IQGAP2: variants seen among roughly 807,000 people sequenced by gnomAD.
The protein encoded by IQGAP2 is IQ motif containing GTPase activating protein 2.
Under a neutral mutation model 201.3 loss-of-function variants are expected in IQGAP2, and 173 were observed. The ratio of observed to expected loss-of-function variants is 0.86; its 90% confidence interval spans 0.76 to 0.98. IQGAP2 has a LOEUF of 0.98. Among genes scored for constraint, IQGAP2 ranks in the 50% least tolerant of loss-of-function variants. IQGAP2 has a pLI of 0.00. For missense variants in IQGAP2, 1,687 were observed against 1,864.8 expected (o/e 0.90, Z 1.76); for synonymous variants, 675 against 673.9 (o/e 1.00, Z -0.03).
At chr5:76,452,238 T>C (rs1275160108) in intron 1 of IQGAP2, among the ~76,000 whole-genome samples, 1 of 151,036 alleles carries the variant, frequency 6.6e-6, no homozygotes, top group African/African-American at 2.4e-5. Context: ...TTTCTTTTTT[T>C]TTTTTTGTTT....
intron 2 of IQGAP2, among the ~76,000 whole-genome samples, chr5:76,507,461 T>C (rs367745095): frequency 2.0e-5 from 3 of 152,160 alleles, no homozygotes; most frequent in South Asian, 2.1e-4. Flanking sequence ...GAAAATCTAT[T>C]ATACATGACT....
At chr5:76,521,572 G>A (rs963893156) in intron 2 of IQGAP2, among the ~76,000 whole-genome samples, 6 of 152,210 alleles carry the variant, frequency 3.9e-5, no homozygotes, top group Non-Finnish European at 7.3e-5. Context: ...GCCAGAAAGT[G>A]ATCTAACTTG....
intron 30 of IQGAP2, among the ~76,000 whole-genome samples, chr5:76,687,819 C>G (rs553254515): frequency 6.6e-6 from 1 of 152,308 alleles, no homozygotes; most frequent in East Asian, 1.9e-4. Context: ...AGGGCATCCA[C>G]TCATTCTGTA....
At chr5:76,472,274 G>T (rs549153429) in intron 2 of IQGAP2, among the ~76,000 whole-genome samples, 1 of 152,352 alleles carries the variant, frequency 6.6e-6, no homozygotes, top group African/African-American at 2.4e-5. Flanking sequence ...GGCAGAGTTG[G>T]AGAGGTGGTC....
At chr5:76,487,996 G>A (rs892439008) in intron 2 of IQGAP2, among the ~76,000 whole-genome samples, 3 of 152,222 alleles carry the variant, frequency 2.0e-5, no homozygotes, top group Admixed American at 1.3e-4. Context: ...GGACATGGGA[G>A]CCTATCCTCA....
At chr5:76,429,428 C>T (rs1170379366) in intron 1 of IQGAP2, among the ~76,000 whole-genome samples, 2 of 150,782 alleles carry the variant, frequency 1.3e-5, no homozygotes, top group African/African-American at 2.4e-5. Context: ...AAAAATTAGC[C>T]AGGCGTGGTG....
chr5:76,493,988 C>T (rs552049351), intron 2 of IQGAP2, among the ~76,000 whole-genome samples: 28 of 152,184 alleles, frequency 1.8e-4, no homozygotes, highest in Non-Finnish European at 3.8e-4. Flanking sequence ...ATAACCTATG[C>T]ACATCTTCCC....
At chr5:76,538,206 G>A (rs531809484) in intron 2 of IQGAP2, among the ~76,000 whole-genome samples, 5 of 152,300 alleles carry the variant, frequency 3.3e-5, no homozygotes, top group East Asian at 1.9e-4. Flanking sequence ...ATCAGATCTC[G>A]TGAGACTTAT....
chr5:76,528,460 A>C (rs4145111), intron 2 of IQGAP2, among the ~76,000 whole-genome samples: 73,802 of 151,982 alleles, frequency 0.49, 18,936 homozygotes, highest in East Asian at 0.94. Context: ...TAGATATTTC[A>C]AATAGGAGGA....
At chr5:76,582,104 C>G (rs1400912115) in intron 5 of IQGAP2, among the ~76,000 whole-genome samples, 2 of 152,158 alleles carry the variant, frequency 1.3e-5, no homozygotes, top group Admixed American at 6.5e-5. Flanking sequence ...CATTTTATCA[C>G]CAAGGCAGTT....
chr5:76,664,118 C>T (rs1743518662), intron 21 of IQGAP2, among the ~76,000 whole-genome samples: 1 of 152,152 alleles, frequency 6.6e-6, no homozygotes, highest in East Asian at 1.9e-4. Flanking sequence ...TTACGCCTGT[C>T]CTAGCTTTTG....
chr5:76,532,176 T>C (rs1759338463), intron 2 of IQGAP2, among the ~76,000 whole-genome samples: 1 of 152,220 alleles, frequency 6.6e-6, no homozygotes, highest in South Asian at 2.1e-4. Flanking sequence ...TCTGTGTGTT[T>C]ATGTAAATAA....
intron 1 of IQGAP2, among the ~76,000 whole-genome samples, chr5:76,407,679 G>T (rs543598144): frequency 6.6e-6 from 1 of 152,220 alleles, no homozygotes; most frequent in Non-Finnish European, 1.5e-5. Flanking sequence ...TACACATGCT[G>T]TTAGCCAGAA....
intron 1 of IQGAP2, among the ~76,000 whole-genome samples, chr5:76,434,864 T>C (rs901894100): frequency 2.0e-5 from 1 of 50,400 alleles, no homozygotes; most frequent in African/African-American, 5.7e-5. Flanking sequence ...CGTAACAACA[T>C]CTATTGTTTT....
chr5:76,679,804 C>G lies in IQGAP2; in HGVS notation c.3660+2454C>G, dbSNP rs76410688. ...ATCACCTCTATTATTTATTTAATGC[C>G]TTTCTTTGAATCAACTCACCTTTTT... is the stretch of plus-strand genomic sequence containing the variant. On this transcript the variant is annotated intron_variant, in intron 28 of 35. Coordinates refer to ENST00000274364, the MANE Select transcript of IQGAP2 (RefSeq NM_006633.5). Among the ~76,000 whole-genome samples the G allele has an allele frequency of 1.6e-4, 25 of 152,248 alleles. No homozygotes were observed. The East Asian group carries it at 4.6e-3, about 28-fold the overall frequency.
chr5:76,583,561 A>G (rs2150295783), intron 5 of IQGAP2, among the ~76,000 whole-genome samples: 1 of 152,352 alleles, frequency 6.6e-6, no homozygotes, highest in Non-Finnish European at 1.5e-5. Flanking sequence ...TTACCTGATC[A>G]ATATTAGCTT....
intron 2 of IQGAP2, among the ~76,000 whole-genome samples, chr5:76,465,472 A>G (rs911785376): frequency 6.6e-6 from 1 of 152,222 alleles, no homozygotes; most frequent in African/African-American, 2.4e-5. Context: ...AAATACAGGA[A>G]TAAGGATGTT....
intron 2 of IQGAP2, 119 bp from the exon 3 acceptor site, chr5:76,562,277 A>G: frequency 1.4e-6 from 1 of 702,740 alleles, no homozygotes; most frequent in Non-Finnish European, 2.4e-6. Flanking sequence ...TGACACCGAA[A>G]GATGTTTCAG....
intron 13 of IQGAP2, chr5:76,616,178 T>C (rs984183531): frequency 6.6e-6 from 1 of 152,292 alleles, no homozygotes; most frequent in Non-Finnish European, 1.5e-5. Flanking sequence ...AATAAAAATA[T>C]ACGAAAGTGC....
Sources: allele counts gnomAD v4.1 joint callset (sites outside exome capture counted in the v4.1 genomes callset), GRCh38; gene constraint gnomAD v4.1.1; transcripts MANE v1.5; gene names NCBI Gene and HGNC (gene_info 2026-07-23, HGNC 2026-07-21).